The following IMMP2L variants were observed in gnomAD, a reference collection of about 807,000 sequenced individuals.
IMMP2L encodes mitochondrial inner membrane protease subunit 2.
IMMP2L carries 18 observed loss-of-function variants against 19.3 expected under a neutral mutation model. The observed-to-expected ratio is 0.93, with a 90% confidence interval of 0.64 to 1.38. The LOEUF is 1.38. Ranked by LOEUF, IMMP2L falls within the 40% of genes most tolerant of loss-of-function variation. The probability of loss-of-function intolerance (pLI) is 0.00; values close to 1 mark genes in which losing one functional copy is unlikely to be tolerated. For missense variants in IMMP2L, 233 were observed against 218.2 expected (o/e 1.07, Z -0.43); for synonymous variants, 76 against 73.0 (o/e 1.04, Z -0.21).
intron 4 of IMMP2L, among the ~76,000 whole-genome samples, chr7:110,944,599 C>T (rs940952922): frequency 6.6e-6 from 1 of 151,624 alleles, no homozygotes; most frequent in African/African-American, 2.4e-5. Flanking sequence ...CCTCCAGTTC[C>T]TTCTCTAAAG....
chr7:111,495,615 C>A (rs923391798), intron 2 of IMMP2L, among the ~76,000 whole-genome samples: 1 of 152,106 alleles, frequency 6.6e-6, no homozygotes, highest in Non-Finnish European at 1.5e-5. Context: ...TTTCGGTTTA[C>A]GAAAATAAAA....
At chr7:110,684,116 G>A (rs1584494176) in intron 5 of IMMP2L, among the ~76,000 whole-genome samples, 1 of 152,190 alleles carries the variant, frequency 6.6e-6, no homozygotes, top group African/African-American at 2.4e-5. Context: ...AATGACAGAT[G>A]AGCCATGTCA....
At chr7:110,882,630 C>T (rs557840805) in intron 5 of IMMP2L, among the ~76,000 whole-genome samples, 41 of 152,234 alleles carry the variant, frequency 2.7e-4, no homozygotes, top group African/African-American at 9.9e-4. Flanking sequence ...ATCCACCCGC[C>T]TCGGCTTCCC....
intron 5 of IMMP2L, among the ~76,000 whole-genome samples, chr7:110,871,545 G>C (rs1336783701): frequency 6.6e-6 from 1 of 152,140 alleles, no homozygotes; most frequent in African/African-American, 2.4e-5. Flanking sequence ...GGCTAAGATG[G>C]ATATTTGGAA....
chr7:111,001,836 T>G (rs558351349), intron 3 of IMMP2L, among the ~76,000 whole-genome samples: 6 of 152,016 alleles, frequency 3.9e-5, no homozygotes, highest in Admixed American at 2.0e-4. Flanking sequence ...TCAAGAAAAA[T>G]AGACATACAA....
At chr7:110,845,764 A>T (rs1208963200) in intron 5 of IMMP2L, among the ~76,000 whole-genome samples, 1 of 152,170 alleles carries the variant, frequency 6.6e-6, no homozygotes, top group Non-Finnish European at 1.5e-5. Context: ...CAAAATTCAT[A>T]TGATGAAGCT....
At chr7:110,745,568 C>A (rs1418855203) in intron 5 of IMMP2L, among the ~76,000 whole-genome samples, 2 of 152,206 alleles carry the variant, frequency 1.3e-5, no homozygotes, top group African/African-American at 4.8e-5. Context: ...AGAAACCCTA[C>A]AAGCCAGAAG....
At chr7:111,319,727 T>C (rs1466004719) in intron 3 of IMMP2L, among the ~76,000 whole-genome samples, 1 of 152,040 alleles carries the variant, frequency 6.6e-6, no homozygotes, top group Non-Finnish European at 1.5e-5. Flanking sequence ...TTTTTTAGAA[T>C]GTTAGCATAA....
intron 3 of IMMP2L, among the ~76,000 whole-genome samples, chr7:111,041,157 A>C (rs374684709): frequency 2.6e-5 from 4 of 152,050 alleles, no homozygotes; most frequent in African/African-American, 9.7e-5. Context: ...AATTTAAATT[A>C]TTGTTTTCCT....
At chr7:110,833,181 G>A (rs1804121551) in intron 5 of IMMP2L, among the ~76,000 whole-genome samples, 2 of 152,186 alleles carry the variant, frequency 1.3e-5, no homozygotes, top group South Asian at 2.1e-4. Context: ...GCTCATGCCT[G>A]TAATCCCAGC....
chr7:111,444,279 C>A (rs1416136641), intron 3 of IMMP2L, among the ~76,000 whole-genome samples: 1 of 152,118 alleles, frequency 6.6e-6, no homozygotes, highest in Non-Finnish European at 1.5e-5. Context: ...AATATGTTCA[C>A]ATAGATGTAT....
chr7:110,753,958 A>T (rs1348299596), intron 5 of IMMP2L, among the ~76,000 whole-genome samples: 2 of 152,052 alleles, frequency 1.3e-5, no homozygotes, highest in African/African-American at 4.8e-5. Context: ...GTTTTGGGGC[A>T]CCATCTAAGC....
At chr7:111,151,069 C>A (rs1041297986) in intron 3 of IMMP2L, among the ~76,000 whole-genome samples, 1 of 152,152 alleles carries the variant, frequency 6.6e-6, no homozygotes, top group Non-Finnish European at 1.5e-5. Flanking sequence ...AGTGTGACTC[C>A]TGTGTAACAG....
chr7:111,066,064 C>T (rs1363791280), intron 3 of IMMP2L, among the ~76,000 whole-genome samples: 11 of 151,284 alleles, frequency 7.3e-5, no homozygotes, highest in Admixed American at 2.6e-4. Flanking sequence ...CTGCAACCTC[C>T]GCCTCCTGGG....
chr7:111,440,739 G>T (rs1249825906), intron 3 of IMMP2L, among the ~76,000 whole-genome samples: 2 of 151,854 alleles, frequency 1.3e-5, no homozygotes, highest in Non-Finnish European at 2.9e-5. Flanking sequence ...TTGAAGCCAT[G>T]CACTGACCTC....
intron 3 of IMMP2L, among the ~76,000 whole-genome samples, chr7:110,989,073 T>C (rs2129559264): frequency 6.6e-6 from 1 of 152,130 alleles, no homozygotes; most frequent in East Asian, 1.9e-4. Context: ...TCATCTCTGC[T>C]AAAAATACAA....
chr7:110,838,907 T>C (rs1757037697), intron 5 of IMMP2L, among the ~76,000 whole-genome samples: 1 of 152,102 alleles, frequency 6.6e-6, no homozygotes, highest in Admixed American at 6.6e-5. Flanking sequence ...TTGATCTTAA[T>C]GTAGCCTTAA....
At chr7:111,325,170 AAT>A (rs1825177937) in intron 3 of IMMP2L, among the ~76,000 whole-genome samples, 2 of 151,820 alleles carry the variant, frequency 1.3e-5, no homozygotes, top group South Asian at 2.1e-4. Context: ...GTTACAAAAT[AAT>A]ATATGTTTTC....
rs929395932 is a variant in IMMP2L, at chr7:110,760,535, G to C, written c.409-96814C>G. ...CACTGCTTTCAGCTTATATAAAAGA[G>C]TTTTTGTTGTCCCCAACTCCCAGGA... On this transcript the variant is annotated intron_variant, in intron 5 of 5. Transcript: ENST00000405709. The surrounding 1 kb of genome is among the most constrained non-coding windows in gnomAD (Gnocchi z 4.2). 6.6e-6 allele frequency among the ~76,000 whole-genome samples: 1 copy of C among 152,086 alleles called. No individual in the cohort carries two copies. Among genetic ancestry groups the C allele is most frequent in the Admixed American group, 6.6e-5 (1 of 15,242 alleles).
Sources: gnomAD v4.1 joint callset for allele counts (sites outside exome capture counted in the v4.1 genomes callset) on GRCh38, gnomAD v4.1.1 for gene constraint, Gnocchi (gnomAD v3.1) non-coding constraint, MANE v1.5 for transcripts, NCBI Gene and HGNC (gene_info 2026-07-23, HGNC 2026-07-21) for gene names.